Variants in FAT3 observed in about 807,000 individuals in gnomAD.
FAT3 encodes the protein protocadherin Fat 3.
A neutral mutation model predicts 310.2 loss-of-function variants in FAT3; 95 were observed. The observed-to-expected ratio is 0.31, with a 90% CI of 0.26 to 0.36. The LOEUF (loss-of-function observed/expected upper bound fraction) is 0.36, where lower values mean the gene tolerates loss of function less well. FAT3 is among the 10% of genes least tolerant of loss of function. The probability of loss-of-function intolerance (pLI) is 1.00; values close to 1 mark genes in which losing one functional copy is unlikely to be tolerated. For missense variants in FAT3, 5,408 were observed against 5,715.6 expected, an observed-to-expected ratio of 0.95 and a Z score of 1.74; for synonymous variants, 2,314 against 2,192.9, an observed-to-expected ratio of 1.06 and a Z score of -1.54.
chr11:92,608,720 C>CAATAATAATAATAATAATAAT (rs9299904), intron 3 of FAT3, among the ~76,000 whole-genome samples: 19,445 of 144,942 alleles, frequency 0.13, 1,449 homozygotes, highest in African/African-American at 0.17. Flanking sequence ...CTGAATTCAG[C>CAATAATAATAATAATAATAAT]AATAATAATA....
intron 1 of FAT3, among the ~76,000 whole-genome samples, chr11:92,325,834 G>T (rs1947748802): frequency 6.6e-6 from 1 of 152,168 alleles, no homozygotes. Context: ...GTTTCACCGT[G>T]TTGGCGAGCA....
At chr11:92,412,728 TATATATATATATATATAAATATAC>T (rs1327410616) in intron 2 of FAT3, among the ~76,000 whole-genome samples, 10 of 45,926 alleles carry the variant, frequency 2.2e-4, no homozygotes, top group African/African-American at 5.0e-4. Flanking sequence ...TATATATATA[TATATATATATATATATAAATATAC>T]ATACATATAT....
intron 2 of FAT3, among the ~76,000 whole-genome samples, chr11:92,491,393 G>C (rs1033828327): frequency 6.6e-6 from 1 of 151,990 alleles, no homozygotes; most frequent in African/African-American, 2.4e-5. Flanking sequence ...ACAAAGAATT[G>C]TAAGTCCCAA....
At chr11:92,491,309 A>G (rs910660639) in intron 2 of FAT3, among the ~76,000 whole-genome samples, 1 of 151,974 alleles carries the variant, frequency 6.6e-6, no homozygotes, top group African/African-American at 2.4e-5. Context: ...GCCAGGTACT[A>G]TGGGTATCTA....
At position 92,452,583 on chromosome 11, in the gene FAT3, T is replaced by C. The variant is rs187145159; in HGVS notation, c.3293-72051T>C. Among the ~76,000 whole-genome samples the C allele has an allele frequency of 7.6e-4, 115 of 152,224 alleles. 1 individual carries two copies. Among genetic ancestry groups the C allele is most frequent in the Admixed American group, 2.2e-3 (33 of 15,290 alleles). ...TAGAAAGGTTGTTAAAGTACTACAA[T>C]GGGACCACATACCCTATAGGGATGG... On this transcript the variant is annotated intron_variant, in intron 2 of 27. Transcript: ENST00000525166.
At chr11:92,664,506 T>G (rs1187922790) in intron 3 of FAT3, among the ~76,000 whole-genome samples, 2 of 152,176 alleles carry the variant, frequency 1.3e-5, no homozygotes, top group African/African-American at 4.8e-5. Context: ...CAAATCTCCT[T>G]TAAGTTTGCC....
At chr11:92,741,812 G>C (rs528142983) in intron 4 of FAT3, among the ~76,000 whole-genome samples, 4 of 152,164 alleles carry the variant, frequency 2.6e-5, no homozygotes, top group Non-Finnish European at 4.4e-5. Context: ...GTTGTGTGTT[G>C]AGTACAAGAG....
In FAT3 at chr11:92,798,815, A is replaced by C; in HGVS notation, c.5802A>C (p.Ser1934=). The C allele has an allele frequency of 6.2e-7, 1 of 1,613,920 alleles. No individual in the cohort carries two copies. The highest frequency in any genetic ancestry group is 8.5e-7 in the Non-Finnish European group (1 of 1,179,854). ...EGSLDHFLID[S]NSGVLTIKNN... ...GTTTGGATCATTTTTTAATTGACTC[A>C]AACAGTGGAGTACTTACCATAAAAA... The change falls in exon 10 of 28, where the codon TCA becomes TCC. Residue 1934 remains serine (S), a synonymous_variant. Transcript: ENST00000525166.
intron 2 of FAT3, among the ~76,000 whole-genome samples, chr11:92,410,533 A>G (rs908027608): frequency 1.3e-5 from 2 of 152,036 alleles, no homozygotes; most frequent in African/African-American, 4.8e-5. Flanking sequence ...TGTTGAGTCA[A>G]CTTGAAGCCC....
At chr11:92,764,239 C>G (rs567914852) in intron 5 of FAT3, among the ~76,000 whole-genome samples, 3 of 151,954 alleles carry the variant, frequency 2.0e-5, no homozygotes, top group Admixed American at 6.6e-5. Context: ...ACTGTGCTAT[C>G]GAGAGAGTTC....
chr11:92,804,648 C>G (rs762979123), intron 10 of FAT3, among the ~76,000 whole-genome samples: 47 of 152,318 alleles, frequency 3.1e-4, no homozygotes, highest in Middle Eastern at 3.4e-3. Context: ...GAAAACTTTT[C>G]TCCGCCAAAC....
At chr11:92,516,448 C>T (rs183426395) in intron 2 of FAT3, among the ~76,000 whole-genome samples, 1 of 152,038 alleles carries the variant, frequency 6.6e-6, no homozygotes, top group Admixed American at 6.6e-5. Flanking sequence ...CCCCTTCATA[C>T]TAAAAACACC....
chr11:92,832,090 GGAGGCT>G (rs1565632744), intron 14 of FAT3, 79 bp downstream of exon 14: 9 of 1,427,150 alleles, frequency 6.3e-6, no homozygotes, highest in Non-Finnish European at 8.3e-6. Flanking sequence ...TAGCACTTTG[GGAGGCT>G]GAGGCAAGAA....
In FAT3 at chr11:92,774,259, G is replaced by A. The variant is rs905506004; in HGVS notation, c.4335+79G>A. ...GGGGTGCAAGCAATGAAAAAAAAAT[G>A]TAATGGAAGTAGTAAATTATGTCGA... On this transcript the variant is annotated intron_variant, in intron 7 of 27. Coordinates refer to ENST00000525166, the MANE Select transcript of FAT3 (RefSeq NM_001367949.2). 30 of 1,379,406 alleles carry A rather than the reference G, an allele frequency of 2.2e-5. No individual in the cohort carries two copies. In the South Asian group the frequency reaches 4.4e-4, roughly 20 times the overall value. The allele number at this position is 1,379,406 out of a possible 1,614,324, so 85.4% of individuals were successfully genotyped here.
At chr11:92,431,479 G>A (rs573421682) in intron 2 of FAT3, among the ~76,000 whole-genome samples, 4 of 152,218 alleles carry the variant, frequency 2.6e-5, no homozygotes, top group African/African-American at 9.6e-5. Context: ...CACTCTGATG[G>A]TAGTTTCTTT....
intron 2 of FAT3, among the ~76,000 whole-genome samples, chr11:92,355,751 A>G (rs1948711728): frequency 6.6e-6 from 1 of 152,214 alleles, no homozygotes; most frequent in Non-Finnish European, 1.5e-5. Context: ...GATAAAGTAA[A>G]TTACATTTGA....
At chr11:92,374,021 CAG>C (rs1169201671) in intron 2 of FAT3, among the ~76,000 whole-genome samples, 1 of 106,234 alleles carries the variant, frequency 9.4e-6, no homozygotes, top group Non-Finnish European at 1.9e-5. Context: ...GACTCTCAGA[CAG>C]AGAGAGGGAG....
At chr11:92,456,369 C>A (rs1006511103) in intron 2 of FAT3, among the ~76,000 whole-genome samples, 17 of 152,264 alleles carry the variant, frequency 1.1e-4, no homozygotes, top group African/African-American at 3.9e-4. Context: ...ACCTATGATT[C>A]ATTGTCACAT....
intron 1 of FAT3, among the ~76,000 whole-genome samples, chr11:92,260,905 A>C (rs1441328218): frequency 6.6e-6 from 1 of 152,114 alleles, no homozygotes. Flanking sequence ...ACAGTAAAAA[A>C]ACTTAAGTGT....
Sources: allele counts gnomAD v4.1 joint callset (sites outside exome capture counted in the v4.1 genomes callset), GRCh38; gene constraint gnomAD v4.1.1; transcripts MANE v1.5; gene names NCBI Gene and HGNC (gene_info 2026-07-23, HGNC 2026-07-21).